The following PTPRN2 variants were observed in gnomAD, a reference collection of about 807,000 sequenced individuals.
The protein encoded by PTPRN2 is receptor-type tyrosine-protein phosphatase N2.
In PTPRN2, 74 loss-of-function variants were observed where a neutral mutation model predicts 118.8. The observed-to-expected ratio is 0.62, with a 90% CI of 0.52 to 0.76. PTPRN2 has a LOEUF of 0.76. Ranked by LOEUF, PTPRN2 falls within the 30% of genes least tolerant of loss-of-function variation. PTPRN2 has a pLI of 0.00. For synonymous variants in PTPRN2, 641 were observed against 608.0 expected (o/e 1.05, Z -0.80); for missense variants, 1,481 against 1,394.4 (o/e 1.06, Z -0.99).
rs1174409304 is a variant in PTPRN2, at chr7:158,398,977, CTTTT to C, written c.164-82049_164-82046del. Among the ~76,000 whole-genome samples the C allele has an allele frequency of 4.6e-5, 7 of 152,042 alleles. No individual in the cohort carries two copies. The South Asian group carries it at 1.2e-3, about 27-fold the overall frequency. On this transcript the variant is annotated intron_variant, in intron 2 of 22. Coordinates refer to ENST00000389418, the MANE Select transcript of PTPRN2 (RefSeq NM_002847.5). Reference sequence around the variant, plus strand: ...GCTGTGACTAGTATTAATTTTTTTTCTTTTTGTTTTCCCTGGAGTTATAAATGTC... The same window carrying C: ...GCTGTGACTAGTATTAATTTTTTTTCTGTTTTCCCTGGAGTTATAAATGTC...
intron 9 of PTPRN2, among the ~76,000 whole-genome samples, chr7:158,130,124 G>T (rs749461031): frequency 1.5e-4 from 23 of 152,152 alleles, no homozygotes; most frequent in Non-Finnish European, 1.5e-5. Context: ...AAATATTTCT[G>T]CCCAATTATG....
intron 1 of PTPRN2, among the ~76,000 whole-genome samples, chr7:158,496,232 T>C (rs111397375): frequency 0.38 from 38,058 of 100,462 alleles, 5,761 homozygotes; most frequent in South Asian, 0.49. Flanking sequence ...CCTTCAGCCT[T>C]CCCTCCCCTT....
Position 157,739,405 on chromosome 7 carries a change from G to A in PTPRN2, c.1789-56468C>T, listed in dbSNP as rs1375510745. 2.6e-5 allele frequency: 4 copies of A among 152,396 alleles called. No homozygotes were observed. The East Asian group carries it at 5.8e-4, about 22-fold the overall frequency. The allele number at this position is 152,396 out of a possible 1,614,324, so 9.4% of individuals were successfully genotyped here. ...CTGCCTCCAGAGTCTCGCAGCCTTT[G>A]GAGATGGGTTTGCGGCCCAGGGGCA... is the stretch of plus-strand genomic sequence containing the variant. On this transcript the variant is annotated intron_variant, in intron 12 of 22. Coordinates refer to ENST00000389418, the MANE Select transcript of PTPRN2 (RefSeq NM_002847.5).
chr7:158,538,780 G>C (rs941801461), intron 1 of PTPRN2, among the ~76,000 whole-genome samples: 1 of 152,160 alleles, frequency 6.6e-6, no homozygotes, highest in Admixed American at 6.5e-5. Flanking sequence ...CACCTGCCTC[G>C]TGCAGGGCCC....
intron 2 of PTPRN2, among the ~76,000 whole-genome samples, chr7:158,489,310 A>G (rs1174263684): frequency 6.6e-6 from 1 of 152,164 alleles, no homozygotes; most frequent in African/African-American, 2.4e-5. Context: ...AGCCGGGTGC[A>G]GTGGCGCACG....
chr7:157,877,986 G>A lies in PTPRN2; in HGVS notation c.1788+20687C>T, dbSNP rs117622468. Among the ~76,000 whole-genome samples, 948 of 152,338 alleles carry A rather than the reference G, an allele frequency of 6.2e-3. 20 individuals are homozygous for A. The highest frequency in any genetic ancestry group is 5.4e-3 in the Non-Finnish European group (370 of 68,018). On this transcript the variant is annotated intron_variant, in intron 12 of 22. Transcript: ENST00000389418. ...AACAGCGCCCCAAGGAAAATCCCGC[G>A]TATGTCAGTAGGAAGCGTTCTTGAT...
In PTPRN2 at chr7:158,392,486, C is replaced by A. The variant is rs117580481; in HGVS notation, c.164-75554G>T. Among the ~76,000 whole-genome samples, 1,106 of 152,300 alleles carry A rather than the reference C, an allele frequency of 7.3e-3. 41 individuals carry two copies. In the East Asian group the frequency reaches 0.11, roughly 15 times the overall value. On this transcript the variant is annotated intron_variant, in intron 2 of 22. Transcript: ENST00000389418. ...CATCCTGGCATGGAGCAGGGCCTCA[C>A]AGGACAGCTGCTTCTCTTGGCCAGC...
intron 2 of PTPRN2, among the ~76,000 whole-genome samples, chr7:158,401,717 C>T (rs1812963363): frequency 6.6e-6 from 1 of 152,148 alleles, no homozygotes; most frequent in African/African-American, 2.4e-5. Context: ...AAATTATTCC[C>T]GAGACAAAAT....
At chr7:158,121,788 G>T (rs1037856515) in intron 9 of PTPRN2, among the ~76,000 whole-genome samples, 1 of 152,198 alleles carries the variant, frequency 6.6e-6, no homozygotes, top group Non-Finnish European at 1.5e-5. Flanking sequence ...TGTACGGGAC[G>T]TGCAGTCCAC....
chr7:158,401,232 G>A (rs1207476525), intron 2 of PTPRN2, among the ~76,000 whole-genome samples: 2 of 152,184 alleles, frequency 1.3e-5, no homozygotes, highest in East Asian at 3.9e-4. Context: ...CATCCCGTGA[G>A]CAAGGAAGGC....
intron 1 of PTPRN2, among the ~76,000 whole-genome samples, chr7:158,554,350 G>A (rs1316749311): frequency 6.6e-6 from 1 of 152,238 alleles, no homozygotes; most frequent in African/African-American, 2.4e-5. Context: ...CTGAAACCAG[G>A]AGACAATTGG....
At chr7:158,030,347 T>G (rs1207337782) in intron 11 of PTPRN2, 1 of 152,206 alleles carries the variant, frequency 6.6e-6, no homozygotes, top group Non-Finnish European at 1.5e-5. Context: ...CCTGACCCCC[T>G]GCAGAGCTGA....
intron 11 of PTPRN2, among the ~76,000 whole-genome samples, chr7:157,989,050 A>G (rs932717403): frequency 6.6e-6 from 1 of 152,246 alleles, no homozygotes; most frequent in African/African-American, 2.4e-5. Flanking sequence ...CTGACATTCT[A>G]AAGGTGCAGA....
At chr7:157,828,871 G>T (rs1563150173) in intron 12 of PTPRN2, among the ~76,000 whole-genome samples, 2 of 152,216 alleles carry the variant, frequency 1.3e-5, no homozygotes, top group Admixed American at 1.3e-4. Flanking sequence ...CCCTATAAAA[G>T]TGACCTCCAA....
At chr7:158,139,078 G>A (rs113860417) in intron 6 of PTPRN2, among the ~76,000 whole-genome samples, 7,231 of 152,146 alleles carry the variant, frequency 0.048, 559 homozygotes, top group African/African-American at 0.16. Context: ...ACTGCTGCCG[G>A]AAAAGCCCCT....
At chr7:158,188,390 G>A (rs552402276) in intron 5 of PTPRN2, among the ~76,000 whole-genome samples, 3 of 28,612 alleles carry the variant, frequency 1.0e-4, no homozygotes, top group East Asian at 9.0e-4. Flanking sequence ...CGCTCGCCCC[G>A]CGATGGGGAA....
At chr7:158,204,097 C>T (rs1371309276) in intron 4 of PTPRN2, among the ~76,000 whole-genome samples, 1 of 151,760 alleles carries the variant, frequency 6.6e-6, no homozygotes, top group Non-Finnish European at 1.5e-5. Context: ...GACGAAGCCC[C>T]CGCCCTCGGT....
At chr7:157,821,725 TGAGG>T (rs1222785134) in intron 12 of PTPRN2, among the ~76,000 whole-genome samples, 3 of 152,110 alleles carry the variant, frequency 2.0e-5, no homozygotes, top group African/African-American at 7.2e-5. Context: ...AGGCAGTGGC[TGAGG>T]TAGATGGAGG....
chr7:158,332,625 TCACA>T (rs1333101473), intron 2 of PTPRN2, among the ~76,000 whole-genome samples: 1 of 149,522 alleles, frequency 6.7e-6, no homozygotes, highest in African/African-American at 2.5e-5. Context: ...CAGATGTCAC[TCACA>T]CCCACACTGT....
Sources: gnomAD v4.1 joint callset for allele counts (sites outside exome capture counted in the v4.1 genomes callset) on GRCh38, gnomAD v4.1.1 for gene constraint, MANE v1.5 for transcripts, NCBI Gene and HGNC (gene_info 2026-07-23, HGNC 2026-07-21) for gene names.